FKBP5: variants seen among roughly 807,000 people sequenced by gnomAD.
The protein encoded by FKBP5 is FKBP prolyl isomerase 5, also known as peptidyl-prolyl cis-trans isomerase FKBP5.
A neutral mutation model predicts 50.5 loss-of-function variants in FKBP5; 23 were observed. The observed-to-expected ratio is 0.46, with a 90% CI of 0.33 to 0.65. The LOEUF is 0.65. FKBP5 is among the 30% of genes least tolerant of loss of function. The pLI is 0.02. For synonymous variants in FKBP5, 176 were observed against 190.6 expected, an observed-to-expected ratio of 0.92 and a Z score of 0.63; for missense variants, 411 against 553.1, an observed-to-expected ratio of 0.74 and a Z score of 2.58.
At chr6:35,683,120 A>ATATGTGTG (rs1765724073) in intron 1 of FKBP5, among the ~76,000 whole-genome samples, 2 of 80,650 alleles carry the variant, frequency 2.5e-5, no homozygotes, top group African/African-American at 9.1e-5. Flanking sequence ...ATATACGTAT[A>ATATGTGTG]TGTGTGTGTG....
At chr6:35,714,488 T>C (rs1362369389) in intron 2 of FKBP5, among the ~76,000 whole-genome samples, 1 of 147,060 alleles carries the variant, frequency 6.8e-6, no homozygotes, top group Non-Finnish European at 1.5e-5. Flanking sequence ...ACAAGATGTA[T>C]AGGATTTTAC....
intron 2 of FKBP5, among the ~76,000 whole-genome samples, chr6:35,717,322 G>C (rs925458731): frequency 6.6e-6 from 1 of 152,216 alleles, no homozygotes; most frequent in African/African-American, 2.4e-5. Context: ...CCTATCATGA[G>C]AGAGCGTGTG....
chr6:35,583,848 G>A (rs1471251448), intron 8 of FKBP5: 3 of 985,174 alleles, frequency 3.0e-6, no homozygotes, highest in Admixed American at 6.2e-5. Flanking sequence ...AGTCATAAAC[G>A]GCTTGTTTCT....
chr6:35,641,483 A>C (rs1198510840), intron 2 of FKBP5, among the ~76,000 whole-genome samples: 2 of 152,188 alleles, frequency 1.3e-5, no homozygotes, highest in Non-Finnish European at 2.9e-5. Flanking sequence ...TACCCATGCT[A>C]CAACAGCTAT....
In FKBP5 at chr6:35,642,704, A is replaced by C; in HGVS notation, c.105+16T>G. 1 of 1,597,478 alleles carries C rather than the reference A, an allele frequency of 6.3e-7. No homozygotes were observed. Among genetic ancestry groups the C allele is most frequent in the Non-Finnish European group, 8.6e-7 (1 of 1,166,994 alleles). On this transcript the variant is annotated intron_variant, in intron 2 of 10. Coordinates refer to ENST00000357266, the MANE Select transcript of FKBP5 (RefSeq NM_004117.4). ...CAGCAGGTTTCCTTGTATGTCACTC[A>C]GCTTTGTGGCCTCACCTTTAATACT...
chr6:35,686,688 A>G (rs1355437555), intron 1 of FKBP5, among the ~76,000 whole-genome samples: 2 of 152,208 alleles, frequency 1.3e-5, no homozygotes, highest in African/African-American at 4.8e-5. Flanking sequence ...TACAAACAGG[A>G]TGTTCTTTCC....
chr6:35,710,053 T>C (rs1386201524), intron 2 of FKBP5, among the ~76,000 whole-genome samples: 1 of 152,144 alleles, frequency 6.6e-6, no homozygotes, highest in Non-Finnish European at 1.5e-5. Flanking sequence ...GAAATGATCC[T>C]AGCACATGCA....
chr6:35,704,807 A>G (rs2151019754), intron 2 of FKBP5, among the ~76,000 whole-genome samples: 1 of 152,130 alleles, frequency 6.6e-6, no homozygotes, highest in South Asian at 2.1e-4. Flanking sequence ...TTATAGCCCT[A>G]CCAGAGATGA....
At chr6:35,705,710 T>G (rs1309245200) in intron 2 of FKBP5, among the ~76,000 whole-genome samples, 4 of 151,914 alleles carry the variant, frequency 2.6e-5, no homozygotes, top group Admixed American at 6.6e-5. Flanking sequence ...TATCTGGGGG[T>G]GAGGAGGGTG....
intron 2 of FKBP5, among the ~76,000 whole-genome samples, chr6:35,694,586 A>G (rs1766053403): frequency 6.6e-6 from 1 of 152,208 alleles, no homozygotes; most frequent in Non-Finnish European, 1.5e-5. Flanking sequence ...GCTACCAGGC[A>G]TCTAGGGGCA....
chr6:35,677,974 C>T (rs1314868286), intron 1 of FKBP5, among the ~76,000 whole-genome samples: 3 of 151,994 alleles, frequency 2.0e-5, no homozygotes, highest in Non-Finnish European at 4.4e-5. Context: ...AGAAAATGTC[C>T]TATTTTACAT....
At chr6:35,672,642 G>T (rs1406201849) in intron 1 of FKBP5, among the ~76,000 whole-genome samples, 1 of 152,062 alleles carries the variant, frequency 6.6e-6, no homozygotes, top group Non-Finnish European at 1.5e-5. Context: ...AAAAGTATTT[G>T]TGGCTGGAGG....
At chr6:35,631,533 C>CTA (rs1764151757) in intron 3 of FKBP5, among the ~76,000 whole-genome samples, 1 of 152,046 alleles carries the variant, frequency 6.6e-6, no homozygotes, top group Non-Finnish European at 1.5e-5. Context: ...ATTCATCAAA[C>CTA]TATATACTTA....
chr6:35,676,287 A>G (rs1765520208), intron 1 of FKBP5, among the ~76,000 whole-genome samples: 1 of 152,248 alleles, frequency 6.6e-6, no homozygotes, highest in East Asian at 1.9e-4. Context: ...CCTAACCGCT[A>G]TCGGAAACAG....
intron 2 of FKBP5, among the ~76,000 whole-genome samples, chr6:35,716,588 C>T (rs968011560): frequency 6.6e-6 from 1 of 152,120 alleles, no homozygotes; most frequent in African/African-American, 2.4e-5. Flanking sequence ...TTCTGTGCCA[C>T]CCCTCACCCT....
chr6:35,612,910 C>T (rs1763533210), intron 5 of FKBP5, among the ~76,000 whole-genome samples: 1 of 152,218 alleles, frequency 6.6e-6, no homozygotes, highest in Admixed American at 6.5e-5. Flanking sequence ...TTATCACTGT[C>T]ACACAACCTG....
intron 1 of FKBP5, among the ~76,000 whole-genome samples, chr6:35,669,805 TTC>T (rs1272492996): frequency 2.6e-5 from 4 of 152,222 alleles, no homozygotes; most frequent in Admixed American, 2.0e-4. Flanking sequence ...CAGAAAAAGT[TTC>T]TCTCTTCTGA....
chr6:35,678,407 T>G (rs1194457930), intron 1 of FKBP5, among the ~76,000 whole-genome samples: 2 of 152,160 alleles, frequency 1.3e-5, no homozygotes, highest in African/African-American at 4.8e-5. Flanking sequence ...ATGAAGGTTT[T>G]AGAGAAAGAA....
rs1763485776 is a variant in FKBP5 at position 35,611,272 on chromosome 6, A to C, written c.508+7824T>G. Among the ~76,000 whole-genome samples, 3 of 152,020 alleles carry C rather than the reference A, an allele frequency of 2.0e-5. No individual in the cohort carries two copies. The South Asian group carries it at 6.2e-4, about 31-fold the overall frequency. On this transcript the variant is annotated intron_variant, in intron 5 of 10. Coordinates refer to ENST00000357266, the MANE Select transcript of FKBP5 (RefSeq NM_004117.4). ...TCTTTTGAAAATCTTTGTTCCCTCC[A>C]TCTATCATTTCAGTGAGATTTGGAG...
Sources: allele counts gnomAD v4.1 joint callset (sites outside exome capture counted in the v4.1 genomes callset), GRCh38; gene constraint gnomAD v4.1.1; transcripts MANE v1.5; gene names NCBI Gene and HGNC (gene_info 2026-07-23, HGNC 2026-07-21).